Variants in SORL1 observed in about 807,000 individuals in gnomAD.
SORL1 encodes the protein sortilin related receptor 1, also known as sortilin-related receptor.
In SORL1, 127 loss-of-function variants were observed where a neutral mutation model predicts 273.7. That is an observed-to-expected ratio of 0.46 (90% CI 0.40 to 0.54). SORL1 has a LOEUF of 0.54. Ranked by LOEUF, SORL1 falls within the 20% of genes least tolerant of loss-of-function variation. SORL1 has a pLI of 0.00. For missense variants in SORL1, 2,494 were observed against 2,846.1 expected (o/e 0.88, Z 2.81); for synonymous variants, 1,031 against 1,067.4 (o/e 0.97, Z 0.66).
intron 8 of SORL1, among the ~76,000 whole-genome samples, chr11:121,518,122 A>G (rs754856006): frequency 6.6e-6 from 1 of 152,188 alleles, no homozygotes; most frequent in Non-Finnish European, 1.5e-5. Context: ...AGGAGATGTC[A>G]GCCCCGTGGG....
rs1261715619 is a variant in SORL1 at position 121,567,058 on chromosome 11, G to A, written c.3168G>A (p.Leu1056=). The A allele has an allele frequency of 6.2e-7, 1 of 1,614,222 alleles. No individual in the cohort carries two copies. The highest frequency in any genetic ancestry group is 1.1e-5 in the South Asian group (1 of 91,086). The change falls in exon 22 of 48, where the codon CTG becomes CTA. Residue 1056 remains leucine (L), a synonymous_variant. Coordinates refer to ENST00000260197, the MANE Select transcript of SORL1 (RefSeq NM_003105.6). ...VSSSVLPSGD[L]MCDCPQGYQL... is the part of the protein sequence containing the mutation. ...GCAGTGTGCTTCCATCAGGGGACCTGATGTGTGACTGCCCTCAGGGCTATC... is the reference window on the plus strand; with the variant it reads ...GCAGTGTGCTTCCATCAGGGGACCTAATGTGTGACTGCCCTCAGGGCTATC...
At chr11:121,467,607 G>A (rs990718340) in intron 1 of SORL1, among the ~76,000 whole-genome samples, 2 of 151,968 alleles carry the variant, frequency 1.3e-5, no homozygotes, top group African/African-American at 4.8e-5. Context: ...CCCCACTCTG[G>A]TTCAAGAGTG....
intron 32 of SORL1, among the ~76,000 whole-genome samples, chr11:121,601,921 T>A (rs1034657482): frequency 1.3e-5 from 2 of 152,222 alleles, no homozygotes; most frequent in Admixed American, 6.5e-5. Context: ...TCCCTGGCAA[T>A]CCTATATAAA....
At chr11:121,625,410 A>C (rs113312697) in intron 46 of SORL1, 133 bp downstream of exon 46, 1 of 739,422 alleles carries the variant, frequency 1.4e-6, no homozygotes, top group Admixed American at 3.2e-5. Context: ...TCATTTATAT[A>C]TCAGTTTGGT....
chr11:121,632,931 A>G lies in SORL1; in HGVS notation c.*3368A>G, dbSNP rs1039438033. ...AGAAGGCATCCAGAGACATAACTAA[A>G]CTGAATATCATCCCATATTGATTTT... On this transcript the variant is annotated 3_prime_UTR_variant, in exon 48 of 48. Coordinates refer to ENST00000260197, the MANE Select transcript of SORL1 (RefSeq NM_003105.6). 6.6e-6 allele frequency: 1 copy of G among 152,080 alleles called. No individual in the cohort carries two copies. Among genetic ancestry groups the G allele is most frequent in the Non-Finnish European group, 1.5e-5 (1 of 68,016 alleles). The allele number at this position is 152,080 out of a possible 1,614,324, so 9.4% of individuals were successfully genotyped here.
intron 32 of SORL1, among the ~76,000 whole-genome samples, chr11:121,601,845 C>G (rs1182214482): frequency 6.6e-6 from 1 of 152,204 alleles, no homozygotes; most frequent in East Asian, 1.9e-4. Context: ...CATTGTTACC[C>G]AGTAGAATAC....
intron 12 of SORL1, among the ~76,000 whole-genome samples, chr11:121,541,157 G>A (rs1429842027): frequency 6.6e-6 from 1 of 151,796 alleles, no homozygotes; most frequent in Admixed American, 6.6e-5. Flanking sequence ...ATTCTGCCTT[G>A]TAACCCTACC....
In SORL1 at chr11:121,549,967, G is replaced by A. The variant is rs369005793; in HGVS notation, c.2059G>A (p.Gly687Ser). ...CTREDYECDF[G>S]FKMSEDLSLE... is the part of the protein sequence containing the mutation. ...GCCCAATTGCCTTTTTAGTGACTTCGGTTTCAAGATGAGTGAAGATTTGTC... is the reference window on the plus strand; with the variant it reads ...GCCCAATTGCCTTTTTAGTGACTTCAGTTTCAAGATGAGTGAAGATTTGTC... Residue 687 changes from glycine (G) to serine (S), a missense_variant, in exon 15 of 48, where the codon GGT (glycine) becomes AGT (serine). Physicochemically the swap from Gly to Ser is moderately conservative, Grantham distance 56. Transcript: ENST00000260197. 49 of 1,613,120 alleles carry A rather than the reference G, an allele frequency of 3.0e-5. No homozygotes were observed. In the East Asian group the frequency reaches 9.1e-4, roughly 30 times the overall value.
At position 121,452,796 on chromosome 11, in the gene SORL1, C is replaced by T. The variant is rs1417999426; in HGVS notation, c.285+180C>T. On this transcript the variant is annotated intron_variant, in intron 1 of 47. Coordinates refer to ENST00000260197, the MANE Select transcript of SORL1 (RefSeq NM_003105.6). The surrounding 1 kb of genome is among the most constrained non-coding windows in gnomAD (Gnocchi z 5.3). ...AGCACTTGAATCGCATTGATCTTTCCTTCTTCCTGTCGATTTAGTAAACGT... is the reference window on the plus strand; with the variant it reads ...AGCACTTGAATCGCATTGATCTTTCTTTCTTCCTGTCGATTTAGTAAACGT... 4 of 522,128 alleles carry T rather than the reference C, an allele frequency of 7.7e-6. No individual in the cohort carries two copies. Among genetic ancestry groups the T allele is most frequent in the African/African-American group, 6.0e-5 (3 of 49,810 alleles). The allele number at this position is 522,128 out of a possible 1,614,324, so 32.3% of individuals were successfully genotyped here. A position where few individuals can be genotyped will look rare whatever the true frequency, so the allele number is the denominator to read the frequency against.
chr11:121,623,612 A>G (rs1487250604), intron 45 of SORL1, among the ~76,000 whole-genome samples: 1 of 152,208 alleles, frequency 6.6e-6, no homozygotes, highest in Non-Finnish European at 1.5e-5. Context: ...CCAGATATCT[A>G]TTAGGTGGAA....
rs1449867514 is a variant in SORL1 at position 121,601,587 on chromosome 11, T to TG, written c.4520-2606_4520-2605insG. Among the ~76,000 whole-genome samples, 32 of 151,110 alleles carry TG rather than the reference T, an allele frequency of 2.1e-4. 1 individual carries two copies. The highest frequency in any genetic ancestry group is 7.6e-4 in the African/African-American group (31 of 41,030). On this transcript the variant is annotated intron_variant, in intron 32 of 47. Coordinates refer to ENST00000260197, the MANE Select transcript of SORL1 (RefSeq NM_003105.6). ...TTTCCTGACTTTTTAATGATTGTTT[T>TG]TTTTTTTTTTTTTAAGAAACAGGGT...
intron 41 of SORL1, among the ~76,000 whole-genome samples, chr11:121,617,812 C>A (rs932224389): frequency 1.3e-5 from 2 of 152,220 alleles, no homozygotes; most frequent in African/African-American, 4.8e-5. Flanking sequence ...CAGTTTCCAA[C>A]GTTTACCAGT....
At chr11:121,555,362 G>T in intron 18 of SORL1, 44 bp downstream of exon 18, 2 of 1,605,282 alleles carry the variant, frequency 1.2e-6, no homozygotes, top group South Asian at 1.1e-5. Context: ...GAGCAGGCGG[G>T]GCACCTGGGC....
chr11:121,624,318 G>A (rs1863763972), intron 45 of SORL1, among the ~76,000 whole-genome samples: 1 of 152,194 alleles, frequency 6.6e-6, no homozygotes, highest in Non-Finnish European at 1.5e-5. Context: ...GGGGGATGGT[G>A]GAGAGTGTCA....
At chr11:121,501,555 C>A (rs759486545) in intron 6 of SORL1, among the ~76,000 whole-genome samples, 12 of 152,198 alleles carry the variant, frequency 7.9e-5, no homozygotes, top group Non-Finnish European at 1.6e-4. Flanking sequence ...AATAGACTCA[C>A]AGTTCCACAT....
intron 12 of SORL1, among the ~76,000 whole-genome samples, chr11:121,540,522 C>CAAAGAAAAAAAAAAAAAAAA (rs1862331206): frequency 9.6e-6 from 1 of 103,862 alleles, no homozygotes; most frequent in Admixed American, 1.1e-4. Flanking sequence ...ACTAAAAATA[C>CAAAGAAAAAAAAAAAAAAAA]AAAAAAAAAA....
At chr11:121,586,848 G>A (rs1863123287) in intron 27 of SORL1, among the ~76,000 whole-genome samples, 1 of 152,040 alleles carries the variant, frequency 6.6e-6, no homozygotes, top group Non-Finnish European at 1.5e-5. Context: ...CTGGTGCCTG[G>A]ACCTTACCCC....
At chr11:121,590,680 G>A (rs866739810) in intron 30 of SORL1, 1 of 628,778 alleles carries the variant, frequency 1.6e-6, no homozygotes, top group Non-Finnish European at 2.8e-6. Context: ...GCCTCAGTAG[G>A]AATTCTCTTA....
chr11:121,471,422 C>T (rs1420450964), intron 2 of SORL1, among the ~76,000 whole-genome samples: 1 of 152,236 alleles, frequency 6.6e-6, no homozygotes, highest in Non-Finnish European at 1.5e-5. Flanking sequence ...GCTCGCCCAA[C>T]GGCTGGTCCC....
Sources: gnomAD v4.1 joint callset for allele counts (sites outside exome capture counted in the v4.1 genomes callset) on GRCh38, gnomAD v4.1.1 for gene constraint, Gnocchi (gnomAD v3.1) non-coding constraint, MANE v1.5 for transcripts, NCBI Gene and HGNC (gene_info 2026-07-23, HGNC 2026-07-21) for gene names.